QTMAN: variants seen among roughly 807,000 people sequenced by gnomAD.
QTMAN encodes queuosine-tRNA mannosyltransferase.
the QTMAN span, among the ~76,000 whole-genome samples, chr2:144,173,309 A>G: frequency 6.6e-6 from 1 of 152,184 alleles, no homozygotes; most frequent in Non-Finnish European, 1.5e-5. Context: ...CCTTGCTTCT[A>G]AACTGTAGAA....
chr2:143,964,513 G>A, the QTMAN span, among the ~76,000 whole-genome samples: 1 of 151,912 alleles, frequency 6.6e-6, no homozygotes, highest in Admixed American at 6.6e-5. Flanking sequence ...CTTTTGCTAG[G>A]CTCTCCTTGT....
At chr2:144,022,542 ATC>A in the QTMAN span, among the ~76,000 whole-genome samples, 46 of 117,558 alleles carry the variant, frequency 3.9e-4, no homozygotes, top group Admixed American at 5.6e-4. Flanking sequence ...TTCTCATTCT[ATC>A]TCTCTCTCTC....
the QTMAN span, among the ~76,000 whole-genome samples, chr2:144,320,267 A>G: frequency 6.6e-6 from 1 of 152,180 alleles, no homozygotes; most frequent in Non-Finnish European, 1.5e-5. Context: ...CATAAAGACT[A>G]AAATAGTTAC....
chr2:143,973,035 G>C, the QTMAN span, among the ~76,000 whole-genome samples: 1 of 152,140 alleles, frequency 6.6e-6, no homozygotes, highest in African/African-American at 2.4e-5. Flanking sequence ...ACAATTCTAA[G>C]TGCTGGATGT....
At chr2:144,045,516 A>G in the QTMAN span, among the ~76,000 whole-genome samples, 1 of 152,238 alleles carries the variant, frequency 6.6e-6, no homozygotes, top group South Asian at 2.1e-4. Flanking sequence ...GGCATAATGC[A>G]GGGAGCAAAG....
chr2:144,281,860 CTTAACTT>C, the QTMAN span, among the ~76,000 whole-genome samples: 2 of 151,858 alleles, frequency 1.3e-5, no homozygotes, highest in African/African-American at 4.8e-5. Flanking sequence ...ATTTTTTTTT[CTTAACTT>C]TTATTTTAGG....
the QTMAN span, among the ~76,000 whole-genome samples, chr2:144,309,966 T>G: frequency 6.6e-6 from 1 of 151,870 alleles, no homozygotes; most frequent in African/African-American, 2.4e-5. Flanking sequence ...GGCACAGGAG[T>G]AAACAAAACA....
chr2:144,294,513 A>G, the QTMAN span: 2 of 152,344 alleles, frequency 1.3e-5, no homozygotes, highest in African/African-American at 4.8e-5. Context: ...AATGGTATTC[A>G]TTAAGTATCC....
chr2:144,059,457 GTTGGC>G, the QTMAN span, among the ~76,000 whole-genome samples: 4 of 152,174 alleles, frequency 2.6e-5, no homozygotes, highest in Non-Finnish European at 4.4e-5. Context: ...GGCACACTGT[GTTGGC>G]TTCATAAATA....
the QTMAN span, among the ~76,000 whole-genome samples, chr2:144,089,338 T>C: frequency 6.6e-6 from 1 of 151,998 alleles, no homozygotes; most frequent in Non-Finnish European, 1.5e-5. Flanking sequence ...TCCTATACAC[T>C]ATTGGTAGGA....
chr2:144,115,681 T>C, the QTMAN span, among the ~76,000 whole-genome samples: 1 of 152,166 alleles, frequency 6.6e-6, no homozygotes, highest in Admixed American at 6.5e-5. Flanking sequence ...AACAGAAACA[T>C]GGGACCAATA....
At chr2:144,166,948 C>A in the QTMAN span, among the ~76,000 whole-genome samples, 1 of 152,134 alleles carries the variant, frequency 6.6e-6, no homozygotes, top group African/African-American at 2.4e-5. Flanking sequence ...ACCACTCCAT[C>A]CTATTCTCTG....
the QTMAN span, among the ~76,000 whole-genome samples, chr2:144,247,223 C>G: frequency 6.6e-6 from 1 of 151,708 alleles, no homozygotes; most frequent in Non-Finnish European, 1.5e-5. Context: ...AGAATGTCTT[C>G]AAGAAAAAAA....
the QTMAN span, among the ~76,000 whole-genome samples, chr2:144,126,660 G>A: frequency 1.3e-5 from 2 of 151,846 alleles, no homozygotes; most frequent in African/African-American, 2.4e-5. Flanking sequence ...GAATAAAATG[G>A]TATTATTTGA....
the QTMAN span, among the ~76,000 whole-genome samples, chr2:144,267,229 A>G: frequency 4.6e-5 from 7 of 152,226 alleles, no homozygotes; most frequent in African/African-American, 1.7e-4. Context: ...TACAAATGCT[A>G]AACAAGAAGA....
the QTMAN span, among the ~76,000 whole-genome samples, chr2:143,958,448 C>T: frequency 6.6e-6 from 1 of 151,964 alleles, no homozygotes; most frequent in South Asian, 2.1e-4. Flanking sequence ...TGTATGCATG[C>T]GTGTAAAACC....
chr2:144,270,531 G>A, the QTMAN span, among the ~76,000 whole-genome samples: 6 of 151,928 alleles, frequency 3.9e-5, no homozygotes, highest in East Asian at 7.8e-4. Context: ...GGAAACTATC[G>A]TTCTCAGCAA....
the QTMAN span, among the ~76,000 whole-genome samples, chr2:144,298,080 G>A: frequency 1.3e-5 from 2 of 151,030 alleles, no homozygotes; most frequent in East Asian, 2.0e-4. Flanking sequence ...GTGCAATGGC[G>A]CGATCTCGGC....
the QTMAN span, among the ~76,000 whole-genome samples, chr2:144,083,003 G>T: frequency 3.7e-3 from 569 of 152,208 alleles, 3 homozygotes; most frequent in African/African-American, 0.012. Context: ...GGCAAAGAAG[G>T]TGGGAAGTTC....
Sources: allele counts gnomAD v4.1 joint callset (sites outside exome capture counted in the v4.1 genomes callset), GRCh38; gene constraint gnomAD v4.1.1; transcripts MANE v1.5; gene names NCBI Gene and HGNC (gene_info 2026-07-23, HGNC 2026-07-21).